DYNC1H1: variants seen among roughly 807,000 people sequenced by gnomAD.
DYNC1H1 encodes the protein dynein cytoplasmic 1 heavy chain 1.
In DYNC1H1, 51 loss-of-function variants were observed where a neutral mutation model predicts 527.1. The ratio of observed to expected loss-of-function variants is 0.10; its 90% confidence interval spans 0.08 to 0.12. The LOEUF is 0.12. DYNC1H1 is among the 10% of genes least tolerant of loss of function. DYNC1H1 has a pLI of 1.00. For missense variants in DYNC1H1, 2,771 were observed against 5,971.8 expected (o/e 0.46, Z 17.66); for synonymous variants, 2,189 against 2,278.8 (o/e 0.96, Z 1.12).
intron 7 of DYNC1H1, among the ~76,000 whole-genome samples, chr14:101,984,399 A>ATGTGTGTG (rs1357179017): frequency 9.1e-5 from 8 of 87,486 alleles, no homozygotes; most frequent in African/African-American, 4.1e-4. Context: ...ATATGCGTAT[A>ATGTGTGTG]TATGTGTGTG....
chr14:101,999,951 C>T, intron 16 of DYNC1H1, 38 bp from the exon 17 acceptor site: 1 of 1,613,906 alleles, frequency 6.2e-7, no homozygotes, highest in Non-Finnish European at 8.5e-7. Flanking sequence ...TCTCCTGAGA[C>T]ATTGTGCTCC....
chr14:101,980,282 G>C, intron 4 of DYNC1H1, 82 bp from the exon 5 acceptor site: 1 of 1,511,882 alleles, frequency 6.6e-7, no homozygotes. Flanking sequence ...AAATTGAGTT[G>C]TAATGCATGT....
chr14:101,998,640 T>A (rs2048092406), intron 16 of DYNC1H1, among the ~76,000 whole-genome samples: 1 of 152,170 alleles, frequency 6.6e-6, no homozygotes, highest in Non-Finnish European at 1.5e-5. Flanking sequence ...GCTGGTTAAT[T>A]GTCCCATCCT....
rs1024678074 is a variant in DYNC1H1, at chr14:102,051,585, A to G, written c.*1022A>G. 2.0e-5 allele frequency: 3 copies of G among 152,316 alleles called. No homozygotes were observed. Among genetic ancestry groups the G allele is most frequent in the African/African-American group, 7.2e-5 (3 of 41,448 alleles). 9.4% of individuals were successfully genotyped at this position (152,316 alleles called of 1,614,324 possible). A position where few individuals can be genotyped will look rare whatever the true frequency, so the allele number is the denominator to read the frequency against. ...TTCCCACACGACCTTTCCAGTGGTG[A>G]TGATGACAGTGGCCCATACAGCTGA... On this transcript the variant is annotated 3_prime_UTR_variant, in exon 78 of 78. Coordinates refer to ENST00000360184, the MANE Select transcript of DYNC1H1 (RefSeq NM_001376.5).
Position 102,018,122 on chromosome 14 carries a change from T to A in DYNC1H1, c.8178-329T>A. ...CTCCATCTCAAAATAAATAAATAAA[T>A]AAAATAAAATGAAATAAAAGCATTG... On this transcript the variant is annotated intron_variant, in intron 40 of 77. Transcript: ENST00000360184. The surrounding 1 kb of genome is among the most constrained non-coding windows in gnomAD (Gnocchi z 5.2). 1 of 280,150 alleles carries A rather than the reference T, an allele frequency of 3.6e-6. No homozygotes were observed. The highest frequency in any genetic ancestry group is 4.6e-5 in the South Asian group (1 of 21,518). The allele number at this position is 280,150 out of a possible 1,614,324, so 17.4% of individuals were successfully genotyped here.
Position 101,983,351 on chromosome 14 carries a change from A to G in DYNC1H1, c.1234-31A>G, listed in dbSNP as rs377179161. 413 of 1,613,948 alleles carry G rather than the reference A, an allele frequency of 2.6e-4. No homozygotes were observed. The highest frequency in any genetic ancestry group is 3.2e-4 in the Non-Finnish European group (373 of 1,179,920). On this transcript the variant is annotated intron_variant, in intron 6 of 77. Coordinates refer to ENST00000360184, the MANE Select transcript of DYNC1H1 (RefSeq NM_001376.5). This position sits in a 1 kb window ranked among gnomAD's most constrained non-coding sequence, Gnocchi z 5.3. ...CATTGAGATGAAAATATGTCTTAAT[A>G]ATAAGCCTCACTTTTGAAATTATAT...
Position 102,038,885 on chromosome 14 carries a change from C to T in DYNC1H1, c.11206+37C>T, listed in dbSNP as rs1310905870. ...ACCTGTGGCTTTTAGATGGTTGGTGCAGGGGAAGGGGCTGAACTTTTAAGT... is the reference window on the plus strand; with the variant it reads ...ACCTGTGGCTTTTAGATGGTTGGTGTAGGGGAAGGGGCTGAACTTTTAAGT... On this transcript the variant is annotated intron_variant, in intron 59 of 77. Transcript: ENST00000360184. The surrounding 1 kb of genome is among the most constrained non-coding windows in gnomAD (Gnocchi z 7.2). 3 of 1,614,028 alleles carry T rather than the reference C, an allele frequency of 1.9e-6. No homozygotes were observed. Among genetic ancestry groups the T allele is most frequent in the South Asian group, 2.2e-5 (2 of 91,034 alleles).
Position 102,044,231 on chromosome 14 carries a change from C to A in DYNC1H1, c.12685-43C>A. 6.2e-7 allele frequency: 1 copy of A among 1,610,730 alleles called. No individual in the cohort carries two copies. Among genetic ancestry groups the A allele is most frequent in the Non-Finnish European group, 8.5e-7 (1 of 1,178,902 alleles). On this transcript the variant is annotated intron_variant, in intron 70 of 77. Coordinates refer to ENST00000360184, the MANE Select transcript of DYNC1H1 (RefSeq NM_001376.5). The surrounding 1 kb of genome is among the most constrained non-coding windows in gnomAD (Gnocchi z 7.1). ...CCTCGAAAGGAAGCCCCGGGCCTGC[C>A]CGCCTCTGACCACACACACGAACCC...
chr14:101,984,764 C>G (rs993587725), intron 7 of DYNC1H1, among the ~76,000 whole-genome samples: 3 of 150,770 alleles, frequency 2.0e-5, no homozygotes, highest in African/African-American at 7.3e-5. Context: ...AACCCCATCT[C>G]TACTGAAAAT....
chr14:102,013,048 G>GA (rs1441257713), intron 34 of DYNC1H1, among the ~76,000 whole-genome samples: 1 of 152,078 alleles, frequency 6.6e-6, no homozygotes, highest in Non-Finnish European at 1.5e-5. Flanking sequence ...AGGAGATTGA[G>GA]ACCATTCTGG....
chr14:101,991,727 C>T, intron 11 of DYNC1H1, 54 bp downstream of exon 11: 1 of 1,607,820 alleles, frequency 6.2e-7, no homozygotes, highest in South Asian at 1.1e-5. Flanking sequence ...CTCATGGGCT[C>T]TGTGATACCA....
chr14:102,026,833 C>T, intron 44 of DYNC1H1, 126 bp downstream of exon 44: 1 of 1,372,652 alleles, frequency 7.3e-7, no homozygotes, highest in Non-Finnish European at 1.0e-6. Flanking sequence ...CACCAAGCAG[C>T]TTCCCCCTTC....
Position 101,965,712 on chromosome 14 carries a change from G to C in DYNC1H1, c.256+765G>C, listed in dbSNP as rs1020446186. 6.6e-6 allele frequency among the ~76,000 whole-genome samples: 1 copy of C among 151,598 alleles called. No homozygotes were observed. The highest frequency in any genetic ancestry group is 2.1e-4 in the South Asian group (1 of 4,820). On this transcript the variant is annotated intron_variant, in intron 1 of 77. Transcript: ENST00000360184. This position sits in a 1 kb window ranked among gnomAD's most constrained non-coding sequence, Gnocchi z 4.1. ...TCCTGAGACTAGACTCAGTGTCTCA[G>C]CTCCCCATCCACTGCTTGTTTTCAC...
Position 102,011,138 on chromosome 14 carries a change from A to C in DYNC1H1, c.6618+186A>C. ...TTGTTGTTGTTTAAATGAAGAGGAA[A>C]CAATACTTAACCTGAAAATTTTACA... is the stretch of plus-strand genomic sequence containing the variant. On this transcript the variant is annotated intron_variant, in intron 32 of 77. Transcript: ENST00000360184. This position sits in a 1 kb window ranked among gnomAD's most constrained non-coding sequence, Gnocchi z 5.3. 1 of 677,938 alleles carries C rather than the reference A, an allele frequency of 1.5e-6. No individual in the cohort carries two copies. Among genetic ancestry groups the C allele is most frequent in the South Asian group, 1.7e-5 (1 of 59,662 alleles). The allele number at this position is 677,938 out of a possible 1,614,324, so 42.0% of individuals were successfully genotyped here. A position where few individuals can be genotyped will look rare whatever the true frequency, so the allele number is the denominator to read the frequency against.
chr14:101,972,644 A>G (rs1223041184), intron 1 of DYNC1H1, among the ~76,000 whole-genome samples: 2 of 152,148 alleles, frequency 1.3e-5, no homozygotes, highest in Non-Finnish European at 2.9e-5. Flanking sequence ...TGTAGGCCAC[A>G]TGCTCATATG....
chr14:102,004,488 T>G, intron 23 of DYNC1H1, 30 bp from the exon 24 acceptor site: 1 of 1,592,508 alleles, frequency 6.3e-7, no homozygotes, highest in Non-Finnish European at 8.6e-7. Context: ...ATATAATATT[T>G]TTGCAACTTG....
rs1190662321 is a variant in DYNC1H1, at chr14:102,017,547, C to T, written c.8177+43C>T. The stretch of plus-strand genomic sequence containing the variant: ...ACTGCTCTGCTTCACACACGCACAG[C>T]TCCAGGATTGCTGTAAACACAGCGC... On this transcript the variant is annotated intron_variant, in intron 40 of 77. Transcript: ENST00000360184. This position sits in a 1 kb window ranked among gnomAD's most constrained non-coding sequence, Gnocchi z 4.6. 5 of 1,614,048 alleles carry T rather than the reference C, an allele frequency of 3.1e-6. No homozygotes were observed. Among genetic ancestry groups the T allele is most frequent in the African/African-American group, 1.3e-5 (1 of 74,920 alleles).
Position 102,049,567 on chromosome 14 carries a change from C to T in DYNC1H1, c.13500C>T (p.Gly4500=), listed in dbSNP as rs755400498. The T allele has an allele frequency of 1.2e-5, 19 of 1,613,960 alleles. 1 individual carries two copies. In the South Asian group the frequency reaches 1.5e-4, roughly 13 times the overall value. ...QNISLAAASG[G]AKELKNIHVC... is the part of the protein sequence containing the mutation. ...TCTCACTGGCAGCTGCATCTGGTGGCGCCAAGGAGCTAAAGGTGAAGGCGC... is the reference window on the plus strand; with the variant it reads ...TCTCACTGGCAGCTGCATCTGGTGGTGCCAAGGAGCTAAAGGTGAAGGCGC... Residue 4500 remains glycine, a synonymous_variant, in exon 75 of 78, where the codon GGC becomes GGT. Transcript: ENST00000360184. The surrounding 1 kb of genome is among the most constrained non-coding windows in gnomAD (Gnocchi z 5.5).
At position 102,012,710 on chromosome 14, in the gene DYNC1H1, A is replaced by G; in HGVS notation, c.7014+240A>G. The stretch of plus-strand genomic sequence containing the variant: ...TTCTATCATTTATTGAGTAATAAGC[A>G]CACTCTATGATTATCAGTTAACCCT... On this transcript the variant is annotated intron_variant, in intron 34 of 77. Transcript: ENST00000360184. This position sits in a 1 kb window ranked among gnomAD's most constrained non-coding sequence, Gnocchi z 4.9. 1 of 568,712 alleles carries G rather than the reference A, an allele frequency of 1.8e-6. No homozygotes were observed. The highest frequency in any genetic ancestry group is 2.0e-5 in the South Asian group (1 of 50,656). 35.2% of individuals were successfully genotyped at this position (568,712 alleles called of 1,614,324 possible).
Sources: allele counts gnomAD v4.1 joint callset (sites outside exome capture counted in the v4.1 genomes callset), GRCh38; gene constraint gnomAD v4.1.1; non-coding constraint Gnocchi (gnomAD v3.1); transcripts MANE v1.5; gene names NCBI Gene and HGNC (gene_info 2026-07-23, HGNC 2026-07-21).